The following TRPC4AP variants were observed in gnomAD, a reference collection of about 807,000 sequenced individuals.
TRPC4AP encodes the protein short transient receptor potential channel 4-associated protein.
TRPC4AP carries 45 observed loss-of-function variants against 99.0 expected under a neutral mutation model. That is an observed-to-expected ratio of 0.45 (90% CI 0.36 to 0.58). The LOEUF (loss-of-function observed/expected upper bound fraction) is 0.58. Ranked by LOEUF, TRPC4AP falls within the 20% of genes least tolerant of loss-of-function variation. TRPC4AP has a pLI of 0.00. For synonymous variants in TRPC4AP, 408 were observed against 385.8 expected, an observed-to-expected ratio of 1.06 and a Z score of -0.67; for missense variants, 879 against 985.3, an observed-to-expected ratio of 0.89 and a Z score of 1.44.
chr20:35,037,319 C>G (rs2083341226), intron 7 of TRPC4AP, among the ~76,000 whole-genome samples: 1 of 138,408 alleles, frequency 7.2e-6, no homozygotes, highest in Admixed American at 8.1e-5. Context: ...TGCACTCCGG[C>G]CTGGGCGAAA....
chr20:35,015,942 G>A, intron 10 of TRPC4AP, 66 bp downstream of exon 10: 1 of 1,597,256 alleles, frequency 6.3e-7, no homozygotes, highest in Non-Finnish European at 8.6e-7. Flanking sequence ...AGGGTCAGCA[G>A]CAGGTCTTGA....
chr20:35,085,961 C>T (rs1404675289), intron 1 of TRPC4AP, among the ~76,000 whole-genome samples: 3 of 152,024 alleles, frequency 2.0e-5, no homozygotes, highest in Non-Finnish European at 4.4e-5. Flanking sequence ...AAATACCACA[C>T]TAAATGCAAG....
intron 5 of TRPC4AP, among the ~76,000 whole-genome samples, 157 bp from the exon 6 acceptor site, chr20:35,050,151 G>A (rs777256108): frequency 6.6e-6 from 1 of 152,172 alleles, no homozygotes; most frequent in African/African-American, 2.4e-5. Context: ...GGAAACGCTC[G>A]TTAACTCCCC....
rs776886242 is a variant in TRPC4AP, at chr20:35,021,368, A to C, written c.1052-12T>G. ...GAACACAATGGAGGCTGACACAGCCACCGGAGACAGGATTGAGTCACAGCT... is the reference window on the plus strand; with the variant it reads ...GAACACAATGGAGGCTGACACAGCCCCCGGAGACAGGATTGAGTCACAGCT... On this transcript the variant is annotated splice_polypyrimidine_tract_variant and intron_variant, in intron 8 of 18. Coordinates refer to ENST00000252015, the MANE Select transcript of TRPC4AP (RefSeq NM_015638.3). 1 of 1,611,972 alleles carries C rather than the reference A, an allele frequency of 6.2e-7. No homozygotes were observed. Among genetic ancestry groups the C allele is most frequent in the Non-Finnish European group, 8.5e-7 (1 of 1,178,656 alleles).
Position 35,003,062 on chromosome 20 carries a change from G to C in TRPC4AP, c.*84C>G. The C allele has an allele frequency of 6.4e-7, 1 of 1,559,802 alleles. No homozygotes were observed. Among genetic ancestry groups the C allele is most frequent in the Non-Finnish European group, 8.7e-7 (1 of 1,148,258 alleles). On this transcript the variant is annotated 3_prime_UTR_variant, in exon 19 of 19. Transcript: ENST00000252015. ...TGGGGCAGGCAGAGAGCAGCAGGGA[G>C]GAACGGGAACAGGGCAGGGCGTGTG...
intron 1 of TRPC4AP, among the ~76,000 whole-genome samples, chr20:35,086,529 G>GTATATATA (rs1203240787): frequency 1.3e-4 from 3 of 22,852 alleles, no homozygotes; most frequent in African/African-American, 7.7e-4. Flanking sequence ...GTATATATGT[G>GTATATATA]TGTGTGTGTG....
chr20:35,068,729 A>G (rs2084210413), intron 3 of TRPC4AP, among the ~76,000 whole-genome samples: 1 of 151,972 alleles, frequency 6.6e-6, no homozygotes, highest in African/African-American at 2.4e-5. Flanking sequence ...ACCATCTTGG[A>G]CAGGTTGGTC....
chr20:35,021,014 G>A (rs898498146), intron 9 of TRPC4AP, among the ~76,000 whole-genome samples, 176 bp downstream of exon 9: 1 of 152,176 alleles, frequency 6.6e-6, no homozygotes, highest in Non-Finnish European at 1.5e-5. Flanking sequence ...AAAGACTCCC[G>A]GTTCTGGAAT....
intron 2 of TRPC4AP, among the ~76,000 whole-genome samples, chr20:35,072,643 C>G (rs1213866286): frequency 6.6e-6 from 1 of 152,094 alleles, no homozygotes; most frequent in Non-Finnish European, 1.5e-5. Context: ...TGGTCTATAT[C>G]TCTGTTTTGG....
chr20:35,024,845 A>AC (rs2082986525), intron 8 of TRPC4AP, among the ~76,000 whole-genome samples: 9 of 128,076 alleles, frequency 7.0e-5, no homozygotes, highest in South Asian at 2.5e-4. Flanking sequence ...AAAAAAAAAA[A>AC]AAAAAAAAAA....
chr20:35,018,910 G>A (rs575332724), intron 9 of TRPC4AP, among the ~76,000 whole-genome samples: 3 of 152,204 alleles, frequency 2.0e-5, no homozygotes, highest in Non-Finnish European at 2.9e-5. Flanking sequence ...GATGGGGGAC[G>A]ATGGAGCTGT....
At position 35,004,515 on chromosome 20, in the gene TRPC4AP, C is replaced by T. The variant is rs762874019; in HGVS notation, c.1992G>A (p.Thr664=). 2.5e-5 allele frequency: 41 copies of T among 1,613,966 alleles called. No homozygotes were observed. In the South Asian group the frequency reaches 2.9e-4, roughly 11 times the overall value. The change falls in exon 17 of 19, where the codon ACG becomes ACA. Residue 664 remains threonine, a synonymous_variant. Coordinates refer to ENST00000252015, the MANE Select transcript of TRPC4AP (RefSeq NM_015638.3). ...TGAGGCGGAAGAGGAAGGACATCTG[C>T]GTGGGCACCTGGGATATGTAGGCGA... ...RLLAYISQVP[T]QMSFLFRLIN...
In TRPC4AP at chr20:35,045,766, C is replaced by T. The variant is rs2083547719; in HGVS notation, c.658-1054G>A. Among the ~76,000 whole-genome samples, 3 of 152,128 alleles carry T rather than the reference C, an allele frequency of 2.0e-5. No homozygotes were observed. The South Asian group carries it at 6.2e-4, about 31-fold the overall frequency. On this transcript the variant is annotated intron_variant, in intron 6 of 18. Transcript: ENST00000252015. ...TGTTGGCCAGGCTGGTCTTGAACTCCTGACCTCAGATGATCCATCCACCTT... is the reference window on the plus strand; with the variant it reads ...TGTTGGCCAGGCTGGTCTTGAACTCTTGACCTCAGATGATCCATCCACCTT...
intron 1 of TRPC4AP, among the ~76,000 whole-genome samples, chr20:35,087,055 C>T (rs1436566537): frequency 6.7e-6 from 1 of 148,386 alleles, no homozygotes; most frequent in African/African-American, 2.5e-5. Flanking sequence ...GTCAGCCAGG[C>T]GCAGTGGCTC....
chr20:35,025,454 C>T (rs889406508), intron 8 of TRPC4AP, among the ~76,000 whole-genome samples: 2 of 152,150 alleles, frequency 1.3e-5, no homozygotes, highest in Non-Finnish European at 2.9e-5. Context: ...ATTACAGGTG[C>T]CAGCCACTGT....
intron 1 of TRPC4AP, 88 bp downstream of exon 1, chr20:35,092,526 G>A (rs1294459491): frequency 7.3e-7 from 1 of 1,376,610 alleles, no homozygotes; most frequent in African/African-American, 1.5e-5. Flanking sequence ...GGCCCGTCCA[G>A]CGGCGGCCTG....
At chr20:35,031,390 CTTTTTTTTTTTTTT>C (rs71299218) in intron 8 of TRPC4AP, among the ~76,000 whole-genome samples, 2 of 73,658 alleles carry the variant, frequency 2.7e-5, no homozygotes, top group African/African-American at 5.9e-5. Flanking sequence ...CCCTGGTTAA[CTTTTTTTTTTTTTT>C]TTTTTTTTTT....
intron 12 of TRPC4AP, among the ~76,000 whole-genome samples, chr20:35,009,412 TGG>T (rs1466703608): frequency 1.1e-4 from 16 of 152,088 alleles, no homozygotes; most frequent in Non-Finnish European, 2.1e-4. Flanking sequence ...CCCTGGACTT[TGG>T]GAGGCTCACT....
intron 3 of TRPC4AP, among the ~76,000 whole-genome samples, chr20:35,063,157 C>G (rs1427416771): frequency 2.0e-5 from 3 of 152,226 alleles, no homozygotes; most frequent in Non-Finnish European, 4.4e-5. Flanking sequence ...GGCATTTCCC[C>G]TGCTTGCACT....
Sources: gnomAD v4.1 joint callset for allele counts (sites outside exome capture counted in the v4.1 genomes callset) on GRCh38, gnomAD v4.1.1 for gene constraint, MANE v1.5 for transcripts, NCBI Gene and HGNC (gene_info 2026-07-23, HGNC 2026-07-21) for gene names.